The following EEIG2 variants were observed in gnomAD, a reference collection of about 807,000 sequenced individuals.
The protein encoded by EEIG2 is EEIG family member 2.
At chr1:108,638,421 T>TG in the EEIG2 span, 1 of 152,226 alleles carries the variant, frequency 6.6e-6, no homozygotes, top group Non-Finnish European at 1.5e-5. Context: ...GACTTTCAGA[T>TG]TTCTATGCTG....
the EEIG2 span, among the ~76,000 whole-genome samples, chr1:108,602,649 G>A: frequency 6.6e-6 from 1 of 152,052 alleles, no homozygotes; most frequent in African/African-American, 2.4e-5. Flanking sequence ...GGAGGCTGAG[G>A]CAGGCAGATT....
At chr1:108,601,221 C>A in the EEIG2 span, among the ~76,000 whole-genome samples, 4 of 151,010 alleles carry the variant, frequency 2.6e-5, no homozygotes, top group African/African-American at 9.7e-5. Flanking sequence ...TACCAATAAT[C>A]TAAAAAAAAA....
chr1:108,600,822 T>A, the EEIG2 span: 1 of 783,880 alleles, frequency 1.3e-6, no homozygotes, highest in Non-Finnish European at 1.9e-6. Flanking sequence ...CTCGCTGCAG[T>A]AATTAAAATA....
At chr1:108,579,772 T>A in the EEIG2 span, among the ~76,000 whole-genome samples, 4,921 of 58,956 alleles carry the variant, frequency 0.083, 295 homozygotes, top group Middle Eastern at 0.16. Context: ...TGTGTGTGTG[T>A]GAGAGAGAGA....
At chr1:108,574,905 T>A in the EEIG2 span, among the ~76,000 whole-genome samples, 2 of 152,216 alleles carry the variant, frequency 1.3e-5, no homozygotes, top group Non-Finnish European at 2.9e-5. Flanking sequence ...TAAAAAAAAG[T>A]TTTCTCTTAT....
chr1:108,599,532 T>C, the EEIG2 span, among the ~76,000 whole-genome samples: 48 of 152,092 alleles, frequency 3.2e-4, no homozygotes, highest in African/African-American at 1.1e-3. Context: ...GAGAGAACAG[T>C]ATGTACAAAG....
At chr1:108,637,299 C>G in the EEIG2 span, 1 of 152,024 alleles carries the variant, frequency 6.6e-6, no homozygotes. Context: ...GAACTAATGT[C>G]TATGTCTTCT....
chr1:108,607,864 G>A, the EEIG2 span, among the ~76,000 whole-genome samples: 1 of 152,200 alleles, frequency 6.6e-6, no homozygotes, highest in East Asian at 1.9e-4. Context: ...TTTACAGCCT[G>A]CACTGGCCTT....
chr1:108,627,239 A>ATTT, the EEIG2 span: 1 of 152,222 alleles, frequency 6.6e-6, no homozygotes, highest in South Asian at 2.1e-4. Flanking sequence ...CTTTTGGACC[A>ATTT]CTTATACTCT....
the EEIG2 span, among the ~76,000 whole-genome samples, chr1:108,563,250 A>T: frequency 6.6e-6 from 1 of 152,270 alleles, no homozygotes; most frequent in East Asian, 1.9e-4. Flanking sequence ...TTCCATCTGG[A>T]ATTTTGGTTC....
At chr1:108,582,474 A>G in the EEIG2 span, among the ~76,000 whole-genome samples, 2 of 152,208 alleles carry the variant, frequency 1.3e-5, no homozygotes, top group Non-Finnish European at 2.9e-5. Context: ...TATAGTGGCT[A>G]TAATTTTTAT....
the EEIG2 span, chr1:108,629,475 GTTGT>G: frequency 7.9e-5 from 58 of 730,622 alleles, 1 homozygote; most frequent in Admixed American, 3.7e-4. Context: ...TGGTTTTTAA[GTTGT>G]TTATTTCTCT....
At chr1:108,577,611 G>T in the EEIG2 span, among the ~76,000 whole-genome samples, 445 of 57,126 alleles carry the variant, frequency 7.8e-3, 6 homozygotes, top group African/African-American at 0.02. Flanking sequence ...ATAGTTGTAG[G>T]TATGCGGCGT....
the EEIG2 span, among the ~76,000 whole-genome samples, chr1:108,613,707 T>C: frequency 5.9e-5 from 9 of 152,226 alleles, no homozygotes; most frequent in South Asian, 1.9e-3. Context: ...CTCGCTCCTA[T>C]CCATTGATGA....
At chr1:108,576,073 C>T in the EEIG2 span, among the ~76,000 whole-genome samples, 1 of 152,112 alleles carries the variant, frequency 6.6e-6, no homozygotes, top group Non-Finnish European at 1.5e-5. Context: ...TCTCAAACTC[C>T]CGGGTTCAAG....
the EEIG2 span, among the ~76,000 whole-genome samples, chr1:108,620,732 A>T: frequency 6.6e-6 from 1 of 152,160 alleles, no homozygotes; most frequent in Non-Finnish European, 1.5e-5. Context: ...CGAGACTAAG[A>T]GGTTAAGGAA....
At chr1:108,636,403 A>G in the EEIG2 span, 1 of 152,244 alleles carries the variant, frequency 6.6e-6, no homozygotes, top group South Asian at 2.1e-4. Flanking sequence ...TTTCAAAGTC[A>G]TATCCAAGAA....
the EEIG2 span, chr1:108,629,591 A>G: frequency 5.6e-6 from 9 of 1,606,988 alleles, no homozygotes; most frequent in Non-Finnish European, 7.7e-6. Context: ...ATTGCAGAAG[A>G]AGGACTAAGG....
chr1:108,629,956 G>T, the EEIG2 span: 1 of 346,910 alleles, frequency 2.9e-6, no homozygotes, highest in Non-Finnish European at 5.3e-6. Flanking sequence ...ACTTAGAAAA[G>T]AGTTCTTAGT....
Sources: allele counts gnomAD v4.1 joint callset (sites outside exome capture counted in the v4.1 genomes callset), GRCh38; gene constraint gnomAD v4.1.1; transcripts MANE v1.5; gene names NCBI Gene and HGNC (gene_info 2026-07-23, HGNC 2026-07-21).